The following DEPDC4 variants were observed in gnomAD, a reference collection of about 807,000 sequenced individuals.
DEPDC4 encodes the protein DEP domain-containing protein 4.
In DEPDC4, 52 loss-of-function variants were observed where a neutral mutation model predicts 52.0. The observed-to-expected ratio is 1.00, with a 90% CI of 0.80 to 1.26. DEPDC4 has a LOEUF of 1.26. DEPDC4 is among the 50% of genes most tolerant of loss of function. DEPDC4 has a pLI of 0.00. For missense variants in DEPDC4, 530 were observed against 546.9 expected, an observed-to-expected ratio of 0.97 and a Z score of 0.31; for synonymous variants, 201 against 196.8, an observed-to-expected ratio of 1.02 and a Z score of -0.18.
chr12:100,275,808 G>A, the DEPDC4 span, among the ~76,000 whole-genome samples: 1 of 152,150 alleles, frequency 6.6e-6, no homozygotes, highest in Non-Finnish European at 1.5e-5. Context: ...AATGTTAGCT[G>A]TAATTATTCA....
chr12:100,277,976 A>C, the DEPDC4 span, among the ~76,000 whole-genome samples: 1 of 152,154 alleles, frequency 6.6e-6, no homozygotes, highest in Non-Finnish European at 1.5e-5. Context: ...GTACTGCCTC[A>C]AATATAATGT....
chr12:100,265,171 A>G (rs1283418015), intron 1 of DEPDC4, among the ~76,000 whole-genome samples: 2 of 151,928 alleles, frequency 1.3e-5, no homozygotes, highest in African/African-American at 4.8e-5. Flanking sequence ...GCGTGCTCCT[A>G]TAGTCCCAGC....
chr12:100,271,260 CAAAAAA>C (rs11354103), upstream of DEPDC4, among the ~76,000 whole-genome samples: 3 of 83,338 alleles, frequency 3.6e-5, no homozygotes, highest in African/African-American at 1.1e-4. Context: ...TGCAGAGCAG[CAAAAAA>C]AAAAAAAAAA....
At chr12:100,279,864 A>T in the DEPDC4 span, among the ~76,000 whole-genome samples, 1 of 152,360 alleles carries the variant, frequency 6.6e-6, no homozygotes, top group East Asian at 1.9e-4. Flanking sequence ...ATGCATAAGC[A>T]TGTGTGGGAC....
chr12:100,245,719 A>G (rs887765535), intron 8 of DEPDC4, among the ~76,000 whole-genome samples: 1 of 152,088 alleles, frequency 6.6e-6, no homozygotes, highest in South Asian at 2.1e-4. Flanking sequence ...TAGTCTCCCA[A>G]CCAGGATTGC....
At position 100,266,916 on chromosome 12, in the gene DEPDC4, C is replaced by T. The variant is rs777355656; in HGVS notation, c.157+4G>A. The T allele has an allele frequency of 4.5e-5, 72 of 1,612,642 alleles. No homozygotes were observed. The highest frequency in any genetic ancestry group is 8.5e-7 in the Non-Finnish European group (1 of 1,179,290). On this transcript the variant is annotated splice_donor_region_variant and intron_variant, in intron 1 of 9. Transcript: ENST00000550587. Reference sequence around the variant, plus strand: ...GCACATTTGGCTAGGATATACAGGGCTACCTGTCCTCCTTTTCCGGCAGAA... The same window carrying T: ...GCACATTTGGCTAGGATATACAGGGTTACCTGTCCTCCTTTTCCGGCAGAA...
At chr12:100,235,095 A>C (rs2096139424), downstream of DEPDC4, among the ~76,000 whole-genome samples, 1 of 152,004 alleles carries the variant, frequency 6.6e-6, no homozygotes. Flanking sequence ...ACACATACAT[A>C]TACATATATA....
chr12:100,253,500 A>C lies in DEPDC4; in HGVS notation c.1094T>G (p.Ile365Ser). The change falls in exon 5 of 10, where the codon ATT becomes AGT. Residue 365 changes from isoleucine (I) to serine (S), a missense_variant. Transcript: ENST00000550587. Reference protein sequence around the residue: ...DEYFDIHSGIIELLENEKRAE... With the variant: ...DEYFDIHSGISELLENEKRAE... ...ACATCCTATCTTACCTAAAAGTTCA[A>C]TAATTCCTGAATGAATATCAAAATA... 1 of 1,266,136 alleles carries C rather than the reference A, an allele frequency of 7.9e-7. No individual in the cohort carries two copies. Among genetic ancestry groups the C allele is most frequent in the Non-Finnish European group, 1.0e-6 (1 of 970,846 alleles). 78.4% of individuals were successfully genotyped at this position (1,266,136 alleles called of 1,614,324 possible). A position where few individuals can be genotyped will look rare whatever the true frequency, so the allele number is the denominator to read the frequency against.
chr12:100,262,311 C>A lies in DEPDC4; in HGVS notation c.653G>T (p.Cys218Phe). ...IHTINGNPAL[C>F]PNITVQKPFL... ...AGGTTTCTGAACTGTGATATTTGGA[C>A]ATAAAGCTGGATTCCCATTTATTGT... The change falls in exon 3 of 10, where the codon TGT becomes TTT. Residue 218 changes from cysteine (C) to phenylalanine (F), a missense_variant. By Grantham distance (205) the Cys-to-Phe change is radical. Coordinates refer to ENST00000550587, the MANE Select transcript of DEPDC4 (RefSeq NM_001364818.2). 1.9e-6 allele frequency: 3 copies of A among 1,613,458 alleles called. No individual in the cohort carries two copies. Among genetic ancestry groups the A allele is most frequent in the Non-Finnish European group, 2.5e-6 (3 of 1,179,850 alleles).
intron 9 of DEPDC4, among the ~76,000 whole-genome samples, chr12:100,235,051 G>A (rs1489492963): frequency 2.2e-5 from 2 of 92,282 alleles, no homozygotes. Flanking sequence ...GTAGTAGTAT[G>A]GATGTATGTG....
intron 4 of DEPDC4, among the ~76,000 whole-genome samples, chr12:100,254,319 C>CTTTTTTTTTT (rs67921438): frequency 7.8e-5 from 7 of 89,398 alleles, no homozygotes; most frequent in Admixed American, 2.7e-4. Flanking sequence ...TTTTTTTTGA[C>CTTTTTTTTTT]TTTTTTTTTT....
At chr12:100,267,215 C>T (rs1243251403), upstream of DEPDC4, 4 of 890,660 alleles carry the variant, frequency 4.5e-6, no homozygotes, top group South Asian at 1.8e-5. Flanking sequence ...TCCCCGGTCC[C>T]TCCCCTCCCC....
chr12:100,240,000 C>T (rs971923991), downstream of DEPDC4, among the ~76,000 whole-genome samples: 15 of 151,926 alleles, frequency 9.9e-5, no homozygotes, highest in Admixed American at 1.3e-4. Flanking sequence ...AACTTTGAAA[C>T]TAAGCATTCT....
At chr12:100,243,190 C>T (rs575263177) in intron 8 of DEPDC4, among the ~76,000 whole-genome samples, 1 of 152,094 alleles carries the variant, frequency 6.6e-6, no homozygotes, top group Non-Finnish European at 1.5e-5. Context: ...GTACCATACT[C>T]ACCTATTTTC....
rs141518272 is a variant in DEPDC4 at position 100,254,937 on chromosome 12, G to C, written c.878+1112C>G. 2.0e-4 allele frequency among the ~76,000 whole-genome samples: 30 copies of C among 152,220 alleles called. No individual in the cohort carries two copies. The East Asian group carries it at 4.6e-3, about 24-fold the overall frequency. On this transcript the variant is annotated intron_variant, in intron 4 of 9. Transcript: ENST00000550587. ...GACAGGGTCTCACTATGTTGCCCAT[G>C]CTGGTCTTGAATTCCTGGCCTCAAG...
chr12:100,264,939 C>T (rs2096266264), intron 1 of DEPDC4, among the ~76,000 whole-genome samples: 1 of 152,014 alleles, frequency 6.6e-6, no homozygotes, highest in East Asian at 1.9e-4. Context: ...TAACAGAAAT[C>T]CCACTTCTCT....
At chr12:100,267,348 G>C (rs1205069214), upstream of DEPDC4, 1 of 346,638 alleles carries the variant, frequency 2.9e-6, no homozygotes, top group African/African-American at 2.1e-5. Context: ...TTTATTAGGG[G>C]GGCGGGGGGA....
the DEPDC4 span, among the ~76,000 whole-genome samples, chr12:100,281,541 TAAAG>T: frequency 4.0e-5 from 6 of 151,748 alleles, no homozygotes; most frequent in African/African-American, 1.5e-4. Context: ...AAAATAATAA[TAAAG>T]AAAATAGGCT....
intron 3 of DEPDC4, among the ~76,000 whole-genome samples, chr12:100,256,543 A>G (rs1216384144): frequency 6.6e-6 from 1 of 152,136 alleles, no homozygotes; most frequent in African/African-American, 2.4e-5. Context: ...AACTTATATT[A>G]CACATCTGAG....
Sources: allele counts gnomAD v4.1 joint callset (sites outside exome capture counted in the v4.1 genomes callset), GRCh38; gene constraint gnomAD v4.1.1; transcripts MANE v1.5; gene names NCBI Gene and HGNC (gene_info 2026-07-23, HGNC 2026-07-21).